Variants in NAA50 observed in about 807,000 individuals in gnomAD.
NAA50 encodes N-alpha-acetyltransferase 50.
A neutral mutation model predicts 20.7 loss-of-function variants in NAA50; 7 were observed. The observed-to-expected ratio is 0.34, with a 90% CI of 0.19 to 0.63. The LOEUF (loss-of-function observed/expected upper bound fraction) is 0.63. Ranked by LOEUF, NAA50 falls within the 30% of genes least tolerant of loss-of-function variation. The pLI, the probability that NAA50 is intolerant of heterozygous loss-of-function variation, is 0.75. For synonymous variants in NAA50, 54 were observed against 70.6 expected (o/e 0.77, Z 1.18); for missense variants, 111 against 199.1 (o/e 0.56, Z 2.66).
At chr3:113,725,640 C>T (rs1708190023) in intron 1 of NAA50, among the ~76,000 whole-genome samples, 1 of 152,000 alleles carries the variant, frequency 6.6e-6, no homozygotes, top group African/African-American at 2.4e-5. Flanking sequence ...GTGGCGTGCA[C>T]CTATGGTCCC....
At chr3:113,740,814 C>T in intron 1 of NAA50, 1 of 199,660 alleles carries the variant, frequency 5.0e-6, no homozygotes, top group Non-Finnish European at 1.1e-5. Context: ...TTTGGTAAAA[C>T]AAATTAACAG....
At chr3:113,732,361 T>C (rs1446826527) in intron 1 of NAA50, among the ~76,000 whole-genome samples, 1 of 152,164 alleles carries the variant, frequency 6.6e-6, no homozygotes, top group Non-Finnish European at 1.5e-5. Context: ...CAAGGAAAGA[T>C]TCTTCTCAAG....
chr3:113,743,782 G>T (rs538247675), intron 1 of NAA50, among the ~76,000 whole-genome samples: 2 of 152,326 alleles, frequency 1.3e-5, no homozygotes, highest in South Asian at 2.1e-4. Context: ...TTCAATAGTT[G>T]TAAGTTTCCT....
intron 1 of NAA50, among the ~76,000 whole-genome samples, chr3:113,726,996 T>G (rs1412354467): frequency 6.6e-6 from 1 of 152,218 alleles, no homozygotes. Flanking sequence ...TTCACCATGT[T>G]GCCCAGGCTG....
In NAA50 at chr3:113,718,587, C is replaced by T. The variant is rs146165253; in HGVS notation, c.*3173G>A. Reference sequence around the variant, plus strand: ...TGATAAAAAGCTTAAAAGCCAATTCCCAACTCATTGAACTACCGTACTCCT... The same window carrying T: ...TGATAAAAAGCTTAAAAGCCAATTCTCAACTCATTGAACTACCGTACTCCT... On this transcript the variant is annotated 3_prime_UTR_variant, in exon 5 of 5. Transcript: ENST00000240922. 4.6e-3 allele frequency: 699 copies of T among 152,180 alleles called. 5 individuals are homozygous for T. Among genetic ancestry groups the T allele is most frequent in the African/African-American group, 0.016 (664 of 41,520 alleles). 9.4% of individuals were successfully genotyped at this position (152,180 alleles called of 1,614,324 possible).
intron 1 of NAA50, among the ~76,000 whole-genome samples, chr3:113,740,083 TAA>T (rs1035214655): frequency 6.6e-5 from 10 of 151,918 alleles, no homozygotes; most frequent in African/African-American, 1.9e-4. Flanking sequence ...GTAGTCAAAA[TAA>T]AACTTATTTT....
In NAA50 at chr3:113,721,947, AAG is replaced by A. The variant is rs773752368; in HGVS notation, c.333-12_333-11del. Reference sequence around the variant, plus strand: ...GCTGATCTGGACATGCCTGAGATATAAGAGAGTATCAGAAAAAAAATTAAAAT... The same window carrying A: ...GCTGATCTGGACATGCCTGAGATATAAGAGTATCAGAAAAAAAATTAAAAT... On this transcript the variant is annotated splice_polypyrimidine_tract_variant and intron_variant, in intron 4 of 4. Transcript: ENST00000240922. The A allele has an allele frequency of 1.9e-6, 3 of 1,599,230 alleles. No individual in the cohort carries two copies. Among genetic ancestry groups the A allele is most frequent in the Non-Finnish European group, 2.6e-6 (3 of 1,174,714 alleles).
intron 1 of NAA50, among the ~76,000 whole-genome samples, chr3:113,731,018 T>C (rs1269204698): frequency 6.6e-6 from 1 of 152,224 alleles, no homozygotes; most frequent in Non-Finnish European, 1.5e-5. Context: ...ATTGTTAACT[T>C]TTAAAATTTA....
chr3:113,733,853 CAAAAAAAAA>C (rs58431115), intron 1 of NAA50, among the ~76,000 whole-genome samples: 4 of 68,506 alleles, frequency 5.8e-5, no homozygotes, highest in African/African-American at 1.2e-4. Flanking sequence ...ACTCTGTCTC[CAAAAAAAAA>C]AAAAAAAAAA....
intron 1 of NAA50, among the ~76,000 whole-genome samples, chr3:113,736,613 A>G (rs1242208806): frequency 6.6e-6 from 1 of 152,214 alleles, no homozygotes; most frequent in African/African-American, 2.4e-5. Flanking sequence ...AATTATGCTC[A>G]TAATTGTAAA....
At chr3:113,738,421 G>A (rs1708372995) in intron 1 of NAA50, among the ~76,000 whole-genome samples, 1 of 152,176 alleles carries the variant, frequency 6.6e-6, no homozygotes, top group South Asian at 2.1e-4. Context: ...TAAGAAATTA[G>A]AACTACCTCT....
chr3:113,737,776 C>T (rs1708363633), intron 1 of NAA50, among the ~76,000 whole-genome samples: 1 of 152,150 alleles, frequency 6.6e-6, no homozygotes, highest in Non-Finnish European at 1.5e-5. Context: ...AGATTTTACC[C>T]ACTGGGTGCC....
chr3:113,735,519 G>T (rs895778081), intron 1 of NAA50, among the ~76,000 whole-genome samples: 1 of 152,180 alleles, frequency 6.6e-6, no homozygotes, highest in Non-Finnish European at 1.5e-5. Context: ...GATCACAACG[G>T]ATCATGAATT....
Position 113,718,449 on chromosome 3 carries a change from CAAGG to C in NAA50, c.*3307_*3310del. 1 of 152,240 alleles carries C rather than the reference CAAGG, an allele frequency of 6.6e-6. No individual in the cohort carries two copies. The highest frequency in any genetic ancestry group is 2.1e-4 in the South Asian group (1 of 4,824). The allele number at this position is 152,240 out of a possible 1,614,324, so 9.4% of individuals were successfully genotyped here. Reference sequence around the variant, plus strand: ...ACAGTAATAACTGAGACACACTAGACAAGGATCACTCATTGCTTCTTAAATGAAA... The same window carrying C: ...ACAGTAATAACTGAGACACACTAGACATCACTCATTGCTTCTTAAATGAAA... On this transcript the variant is annotated 3_prime_UTR_variant, in exon 5 of 5. Coordinates refer to ENST00000240922, the MANE Select transcript of NAA50 (RefSeq NM_025146.4).
Position 113,746,128 on chromosome 3 carries a change from G to T in NAA50, c.-179C>A. ...AGTCGAGTGAGGGCTTGAGTCTGGT[G>T]GGGGCGGGAGTGTCTCCCGCCGCCG... is the stretch of plus-strand genomic sequence containing the variant. On this transcript the variant is annotated 5_prime_UTR_variant, in exon 1 of 5. Coordinates refer to ENST00000240922, the MANE Select transcript of NAA50 (RefSeq NM_025146.4). The T allele has an allele frequency of 1.4e-6, 1 of 701,068 alleles. No individual in the cohort carries two copies. The highest frequency in any genetic ancestry group is 2.2e-6 in the Non-Finnish European group (1 of 445,892). The allele number at this position is 701,068 out of a possible 1,614,324, so 43.4% of individuals were successfully genotyped here. A position where few individuals can be genotyped will look rare whatever the true frequency, so the allele number is the denominator to read the frequency against.
At chr3:113,726,364 C>T (rs1708199922) in intron 1 of NAA50, among the ~76,000 whole-genome samples, 1 of 151,974 alleles carries the variant, frequency 6.6e-6, no homozygotes, top group Admixed American at 6.6e-5. Context: ...TAATGAATTC[C>T]CTGTATGAAA....
Position 113,718,047 on chromosome 3 carries a change from G to A in NAA50, c.*3713C>T, listed in dbSNP as rs1326494490. ...TCTGTGTGACTCATGGAATATGGCAGAAATAATGTCACCTGAGGCTACGTC... is the reference window on the plus strand; with the variant it reads ...TCTGTGTGACTCATGGAATATGGCAAAAATAATGTCACCTGAGGCTACGTC... On this transcript the variant is annotated 3_prime_UTR_variant, in exon 5 of 5. Coordinates refer to ENST00000240922, the MANE Select transcript of NAA50 (RefSeq NM_025146.4). 6.6e-6 allele frequency: 1 copy of A among 152,182 alleles called. No homozygotes were observed. Among genetic ancestry groups the A allele is most frequent in the Non-Finnish European group, 1.5e-5 (1 of 68,062 alleles). 9.4% of individuals were successfully genotyped at this position (152,182 alleles called of 1,614,324 possible). A position where few individuals can be genotyped will look rare whatever the true frequency, so the allele number is the denominator to read the frequency against.
chr3:113,735,924 T>C (rs1169360053), intron 1 of NAA50, among the ~76,000 whole-genome samples: 4 of 152,210 alleles, frequency 2.6e-5, no homozygotes, highest in Admixed American at 1.3e-4. Context: ...CTCGAATTCC[T>C]GGTCTCTCAC....
chr3:113,745,607 A>T (rs1290837104), intron 1 of NAA50: 3 of 339,508 alleles, frequency 8.8e-6, no homozygotes, highest in East Asian at 1.0e-4. Context: ...GGCGTGGCTC[A>T]GCGGTCCGCT....
Sources: allele counts gnomAD v4.1 joint callset (sites outside exome capture counted in the v4.1 genomes callset), GRCh38; gene constraint gnomAD v4.1.1; transcripts MANE v1.5; gene names NCBI Gene and HGNC (gene_info 2026-07-23, HGNC 2026-07-21).